Variants in EFTUD2 observed in about 807,000 individuals in gnomAD.
The protein encoded by EFTUD2 is 116 kDa U5 small nuclear ribonucleoprotein component.
A neutral mutation model predicts 114.3 loss-of-function variants in EFTUD2; 9 were observed. The ratio of observed to expected loss-of-function variants is 0.08; its 90% CI spans 0.05 to 0.14. The LOEUF (loss-of-function observed/expected upper bound fraction) is 0.14. Among genes scored for constraint, EFTUD2 ranks in the 10% least tolerant of loss-of-function variants. EFTUD2 has a pLI of 1.00. For missense variants in EFTUD2, 765 were observed against 1,241.2 expected, an observed-to-expected ratio of 0.62 and a Z score of 5.76; for synonymous variants, 449 against 462.3, an observed-to-expected ratio of 0.97 and a Z score of 0.37.
intron 12 of EFTUD2, 137 bp from the exon 13 acceptor site, chr17:44,868,034 A>T (rs1230683709): frequency 4.2e-6 from 4 of 945,492 alleles, no homozygotes; most frequent in Non-Finnish European, 6.2e-6. Context: ...TTCCAGAGAC[A>T]GATTCCTGGA....
At chr17:44,884,125 G>A (rs577782436) in intron 4 of EFTUD2, 8 of 185,430 alleles carry the variant, frequency 4.3e-5, no homozygotes, top group Non-Finnish European at 9.3e-5. Context: ...AAATTAGGCC[G>A]GGAGCAGAGG....
intron 2 of EFTUD2, chr17:44,892,105 T>C (rs1195045968): frequency 1.3e-5 from 2 of 152,226 alleles, no homozygotes; most frequent in African/African-American, 2.4e-5. Context: ...TGGGATCACT[T>C]TGAATTTAGA....
intron 8 of EFTUD2, 36 bp from the exon 9 acceptor site, chr17:44,879,674 G>T: frequency 1.9e-6 from 3 of 1,593,686 alleles, no homozygotes; most frequent in Non-Finnish European, 2.6e-6. Flanking sequence ...ATCACTTGGT[G>T]CAGGATAAAG....
chr17:44,861,126 C>T (rs994777478), intron 16 of EFTUD2, among the ~76,000 whole-genome samples: 1 of 152,082 alleles, frequency 6.6e-6, no homozygotes, highest in East Asian at 1.9e-4. Flanking sequence ...CCCAAGGTGT[C>T]GACTGTAAGG....
chr17:44,853,267 C>T (rs749345588), intron 25 of EFTUD2, 29 bp downstream of exon 25: 1 of 1,609,150 alleles, frequency 6.2e-7, no homozygotes. Context: ...GCTCTCAGCA[C>T]TCTCCCTAAT....
chr17:44,859,843 C>T, intron 18 of EFTUD2, 62 bp downstream of exon 18: 1 of 1,608,724 alleles, frequency 6.2e-7, no homozygotes, highest in Non-Finnish European at 8.5e-7. Flanking sequence ...AAGCGGTGTG[C>T]AGCTCTGCCC....
At chr17:44,858,628 T>C (rs1026982766) in intron 19 of EFTUD2, among the ~76,000 whole-genome samples, 4 of 151,990 alleles carry the variant, frequency 2.6e-5, no homozygotes, top group African/African-American at 9.7e-5. Flanking sequence ...GGCTGGTTTG[T>C]AGAGACGAGG....
chr17:44,895,636 A>T (rs2051370587), intron 1 of EFTUD2, among the ~76,000 whole-genome samples: 1 of 152,212 alleles, frequency 6.6e-6, no homozygotes, highest in Non-Finnish European at 1.5e-5. Flanking sequence ...CTAAAATATT[A>T]TCCAGTCCTT....
intron 16 of EFTUD2, among the ~76,000 whole-genome samples, chr17:44,862,089 G>A (rs1158674733): frequency 6.6e-6 from 1 of 152,132 alleles, no homozygotes; most frequent in African/African-American, 2.4e-5. Context: ...GGATTAAGAT[G>A]AGTAACAATG....
rs1369465197 is a variant in EFTUD2, at chr17:44,868,288, T to C, written c.1057A>G (p.Thr353Ala). Reference protein sequence around the residue: ...LWGDIYFNPKTRKFTKKAPTS... With the variant: ...LWGDIYFNPKARKFTKKAPTS... ...AGTCACGTCCCATACTCTACTTACG[T>C]CTTAGGGTTGAAGTAGATGTCACCC... Residue 353 changes from threonine to alanine, a missense_variant and splice_region_variant, in exon 12 of 28, where the codon ACG (threonine) becomes GCG (alanine). Coordinates refer to ENST00000426333, the MANE Select transcript of EFTUD2 (RefSeq NM_004247.4). 1 of 1,613,670 alleles carries C rather than the reference T, an allele frequency of 6.2e-7. No individual in the cohort carries two copies. Among genetic ancestry groups the C allele is most frequent in the Non-Finnish European group, 8.5e-7 (1 of 1,179,794 alleles).
At chr17:44,861,829 T>C (rs1292065085) in intron 16 of EFTUD2, among the ~76,000 whole-genome samples, 4 of 152,136 alleles carry the variant, frequency 2.6e-5, no homozygotes, top group African/African-American at 7.2e-5. Context: ...GGACCACCAT[T>C]GAGGCAGGGT....
rs557467846 is a variant in EFTUD2, at chr17:44,850,449, A to G, written c.*825T>C. On this transcript the variant is annotated 3_prime_UTR_variant, in exon 28 of 28. Transcript: ENST00000426333. ...ACTCCCCTAACTCAATCCCTGGTAC[A>G]TTCCTAATAAAGCAGTTTTGAGGAA... 3 of 1,349,508 alleles carry G rather than the reference A, an allele frequency of 2.2e-6. No homozygotes were observed. The highest frequency in any genetic ancestry group is 3.2e-6 in the Non-Finnish European group (3 of 948,348). 83.6% of individuals were successfully genotyped at this position (1,349,508 alleles called of 1,614,324 possible).
chr17:44,871,176 T>C (rs866828430), intron 11 of EFTUD2, among the ~76,000 whole-genome samples: 15 of 151,716 alleles, frequency 9.9e-5, no homozygotes, highest in Admixed American at 3.9e-4. Flanking sequence ...GCCAGTGCCA[T>C]CATGCCCACC....
chr17:44,897,243 A>G (rs907233788), intron 1 of EFTUD2, among the ~76,000 whole-genome samples: 1 of 148,234 alleles, frequency 6.7e-6, no homozygotes, highest in Non-Finnish European at 1.5e-5. Flanking sequence ...AAAAGAATTT[A>G]CCAGAGTCCT....
intron 13 of EFTUD2, among the ~76,000 whole-genome samples, chr17:44,866,235 G>A (rs545019469): frequency 9.9e-5 from 15 of 151,956 alleles, no homozygotes; most frequent in African/African-American, 2.9e-4. Flanking sequence ...AAGTTCATAC[G>A]AACATGCTTT....
At chr17:44,891,529 T>C (rs1165826333) in intron 2 of EFTUD2, among the ~76,000 whole-genome samples, 2 of 152,332 alleles carry the variant, frequency 1.3e-5, no homozygotes, top group South Asian at 2.1e-4. Context: ...TTTAAATTTT[T>C]TGTAGAAATG....
At chr17:44,884,425 G>T (rs1490110202) in intron 4 of EFTUD2, among the ~76,000 whole-genome samples, 4 of 150,906 alleles carry the variant, frequency 2.7e-5, no homozygotes, top group Non-Finnish European at 5.9e-5. Context: ...AGGCTGAGGC[G>T]GGAGAATCAC....
intron 16 of EFTUD2, 28 bp from the exon 17 acceptor site, chr17:44,860,571 G>A (rs2050637241): frequency 1.6e-6 from 2 of 1,284,088 alleles, no homozygotes; most frequent in South Asian, 1.2e-5. Context: ...AAGCAGCAGT[G>A]AAACTTAGGC....
At chr17:44,851,631 C>T in intron 27 of EFTUD2, 79 bp downstream of exon 27, 1 of 1,378,416 alleles carries the variant, frequency 7.3e-7, no homozygotes, top group Non-Finnish European at 9.8e-7. Context: ...GGAAAAGGGG[C>T]CAAAAGAAAG....
Sources: gnomAD v4.1 joint callset for allele counts (sites outside exome capture counted in the v4.1 genomes callset) on GRCh38, gnomAD v4.1.1 for gene constraint, MANE v1.5 for transcripts, NCBI Gene and HGNC (gene_info 2026-07-23, HGNC 2026-07-21) for gene names.